The following LTK variants were observed in gnomAD, a reference collection of about 807,000 sequenced individuals.
LTK encodes leukocyte tyrosine kinase receptor.
Under a neutral mutation model 101.5 loss-of-function variants are expected in LTK, and 117 were observed. The ratio of observed to expected loss-of-function variants is 1.15; its 90% CI spans 0.99 to 1.34. The LOEUF (loss-of-function observed/expected upper bound fraction) is 1.34, where lower values mean the gene tolerates loss of function less well. Among genes scored for constraint, LTK ranks in the 40% most tolerant of loss-of-function variants. The pLI is 0.00. For synonymous variants in LTK, 563 were observed against 494.2 expected (o/e 1.14, Z -1.85); for missense variants, 1,252 against 1,164.7 (o/e 1.07, Z -1.09).
chr15:41,513,574 G>A lies in LTK; in HGVS notation c.43+93C>T, dbSNP rs1420086401. ...CTGTGAGAGTTCGAGGCCTCTGGAG[G>A]AACCACTGACACCTGGCCTGTTGAC... On this transcript the variant is annotated intron_variant, in intron 1 of 19. Coordinates refer to ENST00000263800, the MANE Select transcript of LTK (RefSeq NM_002344.6). The A allele has an allele frequency of 5.0e-6, 6 of 1,194,354 alleles. No homozygotes were observed. The East Asian group carries it at 9.4e-5, about 19-fold the overall frequency. The allele number at this position is 1,194,354 out of a possible 1,614,324, so 74.0% of individuals were successfully genotyped here. A position where few individuals can be genotyped will look rare whatever the true frequency, so the allele number is the denominator to read the frequency against.
In LTK at chr15:41,511,093, G is replaced by C; in HGVS notation, c.997+71C>G. 7.6e-7 allele frequency: 1 copy of C among 1,308,376 alleles called. No homozygotes were observed. Among genetic ancestry groups the C allele is most frequent in the Non-Finnish European group, 9.7e-7 (1 of 1,028,110 alleles). The allele number at this position is 1,308,376 out of a possible 1,614,324, so 81.0% of individuals were successfully genotyped here. A position where few individuals can be genotyped will look rare whatever the true frequency, so the allele number is the denominator to read the frequency against. On this transcript the variant is annotated intron_variant, in intron 7 of 19. Transcript: ENST00000263800. The surrounding 1 kb of genome is among the most constrained non-coding windows in gnomAD (Gnocchi z 5.9). ...CACACCTATCCTCCCGAGGGCTCCG[G>C]CCTGTACTTAGGTTCTAACATCACC...
Position 41,509,031 on chromosome 15 carries a change from C to G in LTK, c.1096G>C (p.Val366Leu). 6.2e-7 allele frequency: 1 copy of G among 1,601,406 alleles called. No homozygotes were observed. The highest frequency in any genetic ancestry group is 8.5e-7 in the Non-Finnish European group (1 of 1,173,306). The change falls in exon 8 of 20, where the codon GTC becomes CTC. Residue 366 changes from valine (V) to leucine (L), a missense_variant and splice_region_variant. Physicochemically the swap from Val to Leu is conservative, Grantham distance 32. Transcript: ENST00000263800. Reference protein sequence around the residue: ...SSELFLQPLAVTENHGEVEIR... With the variant: ...SSELFLQPLALTENHGEVEIR... Reference sequence around the variant, plus strand: ...TCAGAGGTGGGGTTGGGGCCAATACCTGCCAGAGGCTGCAGGAAGAGCTCG... The same window carrying G: ...TCAGAGGTGGGGTTGGGGCCAATACGTGCCAGAGGCTGCAGGAAGAGCTCG...
In LTK at chr15:41,512,841, G is replaced by A. The variant is rs757756742; in HGVS notation, c.225C>T (p.Ala75=). ...TCTGTGTGGGCCCATGCCGGCCGCT[G>A]GCCCCGCAGGTAGAAAACAGCCAAG... The part of the protein sequence containing the change: ...EGSWLFSTCG[A]SGRHGPTQTQ... Residue 75 remains alanine, a synonymous_variant, in exon 3 of 20, where the codon GCC becomes GCT. Transcript: ENST00000263800. 3.1e-6 allele frequency: 5 copies of A among 1,612,250 alleles called. No individual in the cohort carries two copies. The African/African-American group carries it at 6.7e-5, about 22-fold the overall frequency.
Position 41,511,210 on chromosome 15 carries a change from G to T in LTK, c.951C>A (p.Gly317=), listed in dbSNP as rs1376482212. 7.2e-7 allele frequency: 1 copy of T among 1,382,946 alleles called. No individual in the cohort carries two copies. Among genetic ancestry groups the T allele is most frequent in the Non-Finnish European group, 9.3e-7 (1 of 1,074,650 alleles). 85.7% of individuals were successfully genotyped at this position (1,382,946 alleles called of 1,614,324 possible). ...CGCCCGCAGTGCAGGCCCCGCCGCC[G>T]CCCCCGAAGCCGCCGGCCGCGGCCC... ...LGWAAAGGFG[G]GGGACTAGGG... The change falls in exon 7 of 20, where the codon GGC becomes GGA. Residue 317 remains glycine, a synonymous_variant. Coordinates refer to ENST00000263800, the MANE Select transcript of LTK (RefSeq NM_002344.6). The surrounding 1 kb of genome is among the most constrained non-coding windows in gnomAD (Gnocchi z 5.9).
intron 7 of LTK, among the ~76,000 whole-genome samples, chr15:41,509,560 A>T (rs539062663): frequency 6.6e-6 from 1 of 152,296 alleles, no homozygotes; most frequent in Admixed American, 6.5e-5. Flanking sequence ...TTAATTTTTA[A>T]TTAAAAATAA....
chr15:41,506,049 G>T, intron 11 of LTK, 44 bp from the exon 12 acceptor site: 2 of 1,377,334 alleles, frequency 1.5e-6, no homozygotes, highest in Non-Finnish European at 2.1e-6. Flanking sequence ...GCGGCCTGGA[G>T]AAGAGTCCTA....
chr15:41,511,480 G>A lies in LTK; in HGVS notation c.756C>T (p.Pro252=). The A allele has an allele frequency of 6.8e-7, 1 of 1,467,236 alleles. No individual in the cohort carries two copies. The highest frequency in any genetic ancestry group is 8.9e-7 in the Non-Finnish European group (1 of 1,117,986). The allele number at this position is 1,467,236 out of a possible 1,614,324, so 90.9% of individuals were successfully genotyped here. Residue 252 remains proline, a synonymous_variant, in exon 6 of 20, where the codon CCC becomes CCT. Transcript: ENST00000263800. This position sits in a 1 kb window ranked among gnomAD's most constrained non-coding sequence, Gnocchi z 5.9. ...CCTCCGAGCGGTTCTCCAGTTTCTC[G>A]GGGGAGGCCTGAGTCCGGCCTCGGT... is the stretch of plus-strand genomic sequence containing the variant. The part of the protein sequence containing the change: ...PRDRGRTQAS[P]EKLENRSEAP...
In LTK at chr15:41,509,035, C is replaced by T; in HGVS notation, c.1092G>A (p.Leu364=). The T allele has an allele frequency of 1.9e-6, 3 of 1,603,400 alleles. No homozygotes were observed. Among genetic ancestry groups the T allele is most frequent in the Non-Finnish European group, 2.6e-6 (3 of 1,174,294 alleles). Residue 364 remains leucine (L), a synonymous_variant, in exon 8 of 20, where the codon CTG becomes CTA. Coordinates refer to ENST00000263800, the MANE Select transcript of LTK (RefSeq NM_002344.6). ...HPSSELFLQP[L]AVTENHGEVE... ...AGGTGGGGTTGGGGCCAATACCTGCCAGAGGCTGCAGGAAGAGCTCGCTGC... is the reference window on the plus strand; with the variant it reads ...AGGTGGGGTTGGGGCCAATACCTGCTAGAGGCTGCAGGAAGAGCTCGCTGC...
At position 41,504,887 on chromosome 15, in the gene LTK, G is replaced by A. The variant is rs1309151169; in HGVS notation, c.2019-13C>T. The A allele has an allele frequency of 6.2e-7, 1 of 1,608,780 alleles. No individual in the cohort carries two copies. Among genetic ancestry groups the A allele is most frequent in the Non-Finnish European group, 8.5e-7 (1 of 1,177,322 alleles). ...GTAATAACTGGCCCTACAGGAGGGA[G>A]GAGGTGAATGATGAGTTGTTCACCA... On this transcript the variant is annotated splice_polypyrimidine_tract_variant and intron_variant, in intron 16 of 19. Transcript: ENST00000263800.
Position 41,511,929 on chromosome 15 carries a change from T to G in LTK, c.545A>C (p.Glu182Ala). Residue 182 changes from glutamate (E) to alanine (A), a missense_variant, in exon 5 of 20, where the codon GAG (glutamate) becomes GCG (alanine). Transcript: ENST00000263800. The surrounding 1 kb of genome is among the most constrained non-coding windows in gnomAD (Gnocchi z 5.9). The part of the protein sequence containing the change: ...SPESQLVCLG[E>A]SRAVEEHAAM... ...CGCGTGCTCTTCAACGGCTCGAGAC[T>G]CCCCGAGGCAGACGAGCTGGCTCTC... The G allele has an allele frequency of 2.0e-6, 3 of 1,466,046 alleles. No homozygotes were observed. Among genetic ancestry groups the G allele is most frequent in the Non-Finnish European group, 2.7e-6 (3 of 1,119,080 alleles). The allele number at this position is 1,466,046 out of a possible 1,614,324, so 90.8% of individuals were successfully genotyped here. A position where few individuals can be genotyped will look rare whatever the true frequency, so the allele number is the denominator to read the frequency against.
chr15:41,511,452 G>T lies in LTK; in HGVS notation c.784C>A (p.Pro262Thr). 1 of 1,412,468 alleles carries T rather than the reference G, an allele frequency of 7.1e-7. No individual in the cohort carries two copies. The highest frequency in any genetic ancestry group is 1.5e-5 in the South Asian group (1 of 65,046). The allele number at this position is 1,412,468 out of a possible 1,614,324, so 87.5% of individuals were successfully genotyped here. A position where few individuals can be genotyped will look rare whatever the true frequency, so the allele number is the denominator to read the frequency against. The change falls in exon 6 of 20, where the codon CCC becomes ACC. Residue 262 changes from proline to threonine, a missense_variant. Physicochemically the swap from Pro to Thr is conservative, Grantham distance 38. Coordinates refer to ENST00000263800, the MANE Select transcript of LTK (RefSeq NM_002344.6). The surrounding 1 kb of genome is among the most constrained non-coding windows in gnomAD (Gnocchi z 5.9). ...PEKLENRSEA[P>T]GSGGRGGAAG... ...GCCCCGCCTCTCCCGCCGCTCCCGG[G>T]CGCCTCCGAGCGGTTCTCCAGTTTC...
Position 41,511,990 on chromosome 15 carries a change from C to A in LTK, c.511-27G>T. 1 of 1,443,024 alleles carries A rather than the reference C, an allele frequency of 6.9e-7. No individual in the cohort carries two copies. The highest frequency in any genetic ancestry group is 9.0e-7 in the Non-Finnish European group (1 of 1,105,966). 89.4% of individuals were successfully genotyped at this position (1,443,024 alleles called of 1,614,324 possible). On this transcript the variant is annotated intron_variant, in intron 4 of 19. Transcript: ENST00000263800. This position sits in a 1 kb window ranked among gnomAD's most constrained non-coding sequence, Gnocchi z 5.9. ...TGCGGGCAGCGGGGGAGGGAATCGG[C>A]GGGGCCCGGGAGCCTCCCCTCGCTG...
rs1479827665 is a variant in LTK, at chr15:41,508,240, A to T, written c.1097-19T>A. 1.2e-6 allele frequency: 2 copies of T among 1,603,540 alleles called. No individual in the cohort carries two copies. Among genetic ancestry groups the T allele is most frequent in the Admixed American group, 3.4e-5 (2 of 59,088 alleles). ...TCGGTGACTGTGAGTAAAAGAACTG[A>T]TATGATATGGTGTGGTAGGGCTGGG... is the stretch of plus-strand genomic sequence containing the variant. On this transcript the variant is annotated intron_variant, in intron 8 of 19. Coordinates refer to ENST00000263800, the MANE Select transcript of LTK (RefSeq NM_002344.6).
chr15:41,505,672 C>A, intron 13 of LTK, 41 bp downstream of exon 13: 1 of 1,611,490 alleles, frequency 6.2e-7, no homozygotes, highest in Non-Finnish European at 8.5e-7. Context: ...CCCGGGCATT[C>A]CCCTCCCGCC....
Position 41,511,931 on chromosome 15 carries a change from C to T in LTK, c.543G>A (p.Gly181=). 2 of 1,502,194 alleles carry T rather than the reference C, an allele frequency of 1.3e-6. No individual in the cohort carries two copies. Among genetic ancestry groups the T allele is most frequent in the Non-Finnish European group, 1.8e-6 (2 of 1,140,444 alleles). 93.1% of individuals were successfully genotyped at this position (1,502,194 alleles called of 1,614,324 possible). A position where few individuals can be genotyped will look rare whatever the true frequency, so the allele number is the denominator to read the frequency against. The part of the protein sequence containing the change: ...GSPESQLVCL[G]ESRAVEEHAA... ...CGTGCTCTTCAACGGCTCGAGACTC[C>T]CCGAGGCAGACGAGCTGGCTCTCCG... The change falls in exon 5 of 20, where the codon GGG becomes GGA. Residue 181 remains glycine (G), a synonymous_variant. Transcript: ENST00000263800. This position sits in a 1 kb window ranked among gnomAD's most constrained non-coding sequence, Gnocchi z 5.9.
intron 17 of LTK, 45 bp from the exon 18 acceptor site, chr15:41,504,685 C>T: frequency 6.2e-7 from 1 of 1,606,692 alleles, no homozygotes; most frequent in Non-Finnish European, 8.5e-7. Flanking sequence ...TCAGGTGTAG[C>T]CTCCCCTCAC....
At chr15:41,505,614 T>C in intron 13 of LTK, 84 bp from the exon 14 acceptor site, 1 of 1,605,784 alleles carries the variant, frequency 6.2e-7, no homozygotes, top group South Asian at 1.1e-5. Context: ...AGAGGCCCTC[T>C]GTGTCCCCTG....
In LTK at chr15:41,504,218, C is replaced by T. The variant is rs1434850225; in HGVS notation, c.2373G>A (p.Leu791=). 6.2e-7 allele frequency: 1 copy of T among 1,610,434 alleles called. No individual in the cohort carries two copies. Among genetic ancestry groups the T allele is most frequent in the Non-Finnish European group, 8.5e-7 (1 of 1,177,708 alleles). ...TQDPDVLNSL[L]PMELGPTPEE... ...CTGGGGTGGGCCCCAGCTCCATTGG[C>T]AGGAGTGAATTCAGCACATCCGGGT... Residue 791 remains leucine, a synonymous_variant, in exon 20 of 20, where the codon CTG becomes CTA. Transcript: ENST00000263800.
At chr15:41,506,231 G>A (rs937114475) in intron 11 of LTK, among the ~76,000 whole-genome samples, 1 of 152,252 alleles carries the variant, frequency 6.6e-6, no homozygotes, top group Non-Finnish European at 1.5e-5. Flanking sequence ...AGTCAAGGTG[G>A]GAGTGCATGA....
Sources: gnomAD v4.1 joint callset for allele counts (sites outside exome capture counted in the v4.1 genomes callset) on GRCh38, gnomAD v4.1.1 for gene constraint, Gnocchi (gnomAD v3.1) non-coding constraint, MANE v1.5 for transcripts, NCBI Gene and HGNC (gene_info 2026-07-23, HGNC 2026-07-21) for gene names.